The following ANKRD34A variants were observed in gnomAD, a reference collection of about 807,000 sequenced individuals.
ANKRD34A encodes the protein ankyrin repeat domain 34A.
ANKRD34A carries 7 observed loss-of-function variants against 27.1 expected under a neutral mutation model. That is an observed-to-expected ratio of 0.26 (90% confidence interval 0.15 to 0.49). The LOEUF (loss-of-function observed/expected upper bound fraction) is 0.49, where lower values mean the gene tolerates loss of function less well. ANKRD34A is among the 20% of genes least tolerant of loss of function. The probability of loss-of-function intolerance (pLI) is 0.99; values close to 1 mark genes in which losing one functional copy is unlikely to be tolerated. For missense variants in ANKRD34A, 472 were observed against 682.1 expected, an observed-to-expected ratio of 0.69 and a Z score of 3.43; for synonymous variants, 301 against 300.8, an observed-to-expected ratio of 1.00 and a Z score of -0.01.
In ANKRD34A at chr1:145,960,142, T is replaced by C. The variant is rs1553761040; in HGVS notation, c.*127A>G. On this transcript the variant is annotated 3_prime_UTR_variant, in exon 4 of 4. Coordinates refer to ENST00000606888, the MANE Select transcript of ANKRD34A (RefSeq NM_001039888.4). This position sits in a 1 kb window ranked among gnomAD's most constrained non-coding sequence, Gnocchi z 5.5. The stretch of plus-strand genomic sequence containing the variant: ...TTATGGACACATGTTTAACCATGTG[T>C]GGGTGCACTGTGCACCCATGAGCAC... 3.5e-6 allele frequency: 4 copies of C among 1,156,660 alleles called. No homozygotes were observed. Among genetic ancestry groups the C allele is most frequent in the Middle Eastern group, 2.9e-4 (1 of 3,508 alleles). 71.6% of individuals were successfully genotyped at this position (1,156,660 alleles called of 1,614,324 possible).
rs1449296820 is a variant in ANKRD34A at position 145,963,545 on chromosome 1, G to T, written c.-896-8C>A. ...GAATGAGTTTGTGTCCAGCTGGAAG[G>T]CACCAAGGGAAGTGGGAGAAAAAGA... is the stretch of plus-strand genomic sequence containing the variant. On this transcript the variant is annotated splice_region_variant and splice_polypyrimidine_tract_variant and intron_variant, in intron 1 of 3. Coordinates refer to ENST00000606888, the MANE Select transcript of ANKRD34A (RefSeq NM_001039888.4). The T allele has an allele frequency of 6.6e-6, 1 of 152,162 alleles. No homozygotes were observed. Among genetic ancestry groups the T allele is most frequent in the African/African-American group, 2.4e-5 (1 of 41,400 alleles). 9.4% of individuals were successfully genotyped at this position (152,162 alleles called of 1,614,324 possible).
Position 145,960,029 on chromosome 1 carries a change from C to T in ANKRD34A, c.*240G>A. On this transcript the variant is annotated 3_prime_UTR_variant, in exon 4 of 4. Coordinates refer to ENST00000606888, the MANE Select transcript of ANKRD34A (RefSeq NM_001039888.4). This position sits in a 1 kb window ranked among gnomAD's most constrained non-coding sequence, Gnocchi z 5.5. ...GTAGGTACACAAGTAATCCCATATG[C>T]ATGTGAAATGACCAGGGCATGAATA... is the stretch of plus-strand genomic sequence containing the variant. 1 of 437,970 alleles carries T rather than the reference C, an allele frequency of 2.3e-6. No homozygotes were observed. The highest frequency in any genetic ancestry group is 4.1e-6 in the Non-Finnish European group (1 of 245,212). 27.1% of individuals were successfully genotyped at this position (437,970 alleles called of 1,614,324 possible).
Position 145,960,495 on chromosome 1 carries a change from G to A in ANKRD34A, c.1265C>T (p.Pro422Leu). The change falls in exon 4 of 4, where the codon CCG (proline) becomes CTG (leucine). Residue 422 changes from proline to leucine, a missense_variant. Physicochemically the swap from Pro to Leu is moderately conservative, Grantham distance 98 (BLOSUM62 -3). Around this residue, in one of 4 missense-constraint regions of ANKRD34A, gnomAD observed 295 missense variants for 335.0 expected, o/e 0.88. Transcript: ENST00000606888. This position sits in a 1 kb window ranked among gnomAD's most constrained non-coding sequence, Gnocchi z 5.5. The part of the protein sequence containing the change: ...LLLDHISQTR[P>L]GFLPPLNVSP... ...GACGTTGAGAGGGGGTAGGAAACCCGGCCGCGTTTGCGAGATGTGGTCCAG... is the reference window on the plus strand; with the variant it reads ...GACGTTGAGAGGGGGTAGGAAACCCAGCCGCGTTTGCGAGATGTGGTCCAG... 1 of 1,601,636 alleles carries A rather than the reference G, an allele frequency of 6.2e-7. No homozygotes were observed. The highest frequency in any genetic ancestry group is 8.5e-7 in the Non-Finnish European group (1 of 1,174,136).
chr1:145,962,114 C>A (rs1287946661), intron 3 of ANKRD34A: 1 of 297,514 alleles, frequency 3.4e-6, no homozygotes, highest in East Asian at 9.4e-5. Context: ...TCCGCACCCC[C>A]ACCCTCACCC....
Position 145,961,779 on chromosome 1 carries a change from G to C in ANKRD34A, c.-20C>G. ...CAACATAGCTGCGGCTGGGGCGAGG[G>C]CACAGATGGAGCCGGGACTGAGACC... On this transcript the variant is annotated 5_prime_UTR_variant, in exon 4 of 4. Transcript: ENST00000606888. The surrounding 1 kb of genome is among the most constrained non-coding windows in gnomAD (Gnocchi z 9.5). 1 of 1,600,094 alleles carries C rather than the reference G, an allele frequency of 6.2e-7. No homozygotes were observed. The highest frequency in any genetic ancestry group is 2.2e-5 in the East Asian group (1 of 44,644).
chr1:145,961,760 A>C lies in ANKRD34A; in HGVS notation c.-1T>G. 2 of 1,610,428 alleles carry C rather than the reference A, an allele frequency of 1.2e-6. No homozygotes were observed. Among genetic ancestry groups the C allele is most frequent in the Non-Finnish European group, 1.7e-6 (2 of 1,179,180 alleles). On this transcript the variant is annotated 5_prime_UTR_variant, in exon 4 of 4. Transcript: ENST00000606888. The surrounding 1 kb of genome is among the most constrained non-coding windows in gnomAD (Gnocchi z 9.5). Reference sequence around the variant, plus strand: ...GAGCGTGGCCCTCGGTGTGCAACATAGCTGCGGCTGGGGCGAGGGCACAGA... The same window carrying C: ...GAGCGTGGCCCTCGGTGTGCAACATCGCTGCGGCTGGGGCGAGGGCACAGA...
At chr1:145,963,577 C>G (rs944361799) in intron 1 of ANKRD34A, 40 bp from the exon 2 acceptor site, 4 of 152,108 alleles carry the variant, frequency 2.6e-5, no homozygotes, top group African/African-American at 9.7e-5. Flanking sequence ...AAGAAAAATC[C>G]TAAGGATTTA....
Position 145,961,556 on chromosome 1 carries a change from C to T in ANKRD34A, c.204G>A (p.Ala68=), listed in dbSNP as rs1268529548. 1.3e-6 allele frequency: 2 copies of T among 1,595,058 alleles called. No homozygotes were observed. The highest frequency in any genetic ancestry group is 1.3e-5 in the African/African-American group (1 of 74,314). ...CTAATCGGTCTGCGATATTGGGGTC[C>T]GCGCCTTGCTCCAGGAGGTAGCGTA... is the stretch of plus-strand genomic sequence containing the variant. The part of the protein sequence containing the change: ...RMVRYLLEQG[A]DPNIADRLGR... The change falls in exon 4 of 4, where the codon GCG becomes GCA. Residue 68 remains alanine (A), a synonymous_variant. Transcript: ENST00000606888. This position sits in a 1 kb window ranked among gnomAD's most constrained non-coding sequence, Gnocchi z 9.5.
In ANKRD34A at chr1:145,964,565, G is replaced by C. The variant is rs1649926971; in HGVS notation, c.-1278C>G. 1 of 152,206 alleles carries C rather than the reference G, an allele frequency of 6.6e-6. No homozygotes were observed. The highest frequency in any genetic ancestry group is 2.1e-4 in the South Asian group (1 of 4,820). 9.4% of individuals were successfully genotyped at this position (152,206 alleles called of 1,614,324 possible). On this transcript the variant is annotated 5_prime_UTR_variant, in exon 1 of 4. Transcript: ENST00000606888. ...TCTGCGACCCGCTTCGCAAGCTTCGGTTCCGGGCGTACTCGCTCCCTCCCT... is the reference window on the plus strand; with the variant it reads ...TCTGCGACCCGCTTCGCAAGCTTCGCTTCCGGGCGTACTCGCTCCCTCCCT...
At position 145,960,191 on chromosome 1, in the gene ANKRD34A, GGT is replaced by G. The variant is rs1486469816; in HGVS notation, c.*76_*77del. On this transcript the variant is annotated 3_prime_UTR_variant, in exon 4 of 4. Coordinates refer to ENST00000606888, the MANE Select transcript of ANKRD34A (RefSeq NM_001039888.4). The surrounding 1 kb of genome is among the most constrained non-coding windows in gnomAD (Gnocchi z 5.5). The stretch of plus-strand genomic sequence containing the variant: ...ACATGCAAGAGATCCCTTTGTTCGT[GGT>G]GTGTGTGTGAGCTGGTTCTCCCACC... The G allele has an allele frequency of 3.5e-5, 50 of 1,419,210 alleles. No homozygotes were observed. The highest frequency in any genetic ancestry group is 3.1e-5 in the South Asian group (2 of 65,374). The allele number at this position is 1,419,210 out of a possible 1,614,324, so 87.9% of individuals were successfully genotyped here.
In ANKRD34A at chr1:145,960,785, G is replaced by C. The variant is rs1553761223; in HGVS notation, c.975C>G (p.Pro325=). The C allele has an allele frequency of 3.1e-6, 5 of 1,614,254 alleles. No homozygotes were observed. Among genetic ancestry groups the C allele is most frequent in the Non-Finnish European group, 4.2e-6 (5 of 1,180,048 alleles). The part of the protein sequence containing the change: ...NTAPEAQESG[P]PSGLRQKLSR... The stretch of plus-strand genomic sequence containing the variant: ...TCAGTTTCTGCCTCAGCCCTGAAGG[G>C]GGACCAGACTCCTGAGCTTCTGGTG... Residue 325 remains proline, a synonymous_variant, in exon 4 of 4, where the codon CCC becomes CCG. Coordinates refer to ENST00000606888, the MANE Select transcript of ANKRD34A (RefSeq NM_001039888.4). The surrounding 1 kb of genome is among the most constrained non-coding windows in gnomAD (Gnocchi z 5.5).
chr1:145,960,188 C>G lies in ANKRD34A; in HGVS notation c.*81G>C. The G allele has an allele frequency of 7.1e-7, 1 of 1,417,260 alleles. No individual in the cohort carries two copies. The highest frequency in any genetic ancestry group is 9.3e-7 in the Non-Finnish European group (1 of 1,074,484). 87.8% of individuals were successfully genotyped at this position (1,417,260 alleles called of 1,614,324 possible). ...AGCACATGCAAGAGATCCCTTTGTTCGTGGTGTGTGTGTGAGCTGGTTCTC... is the reference window on the plus strand; with the variant it reads ...AGCACATGCAAGAGATCCCTTTGTTGGTGGTGTGTGTGTGAGCTGGTTCTC... On this transcript the variant is annotated 3_prime_UTR_variant, in exon 4 of 4. Transcript: ENST00000606888. The surrounding 1 kb of genome is among the most constrained non-coding windows in gnomAD (Gnocchi z 5.5).
chr1:145,961,565 C>T lies in ANKRD34A; in HGVS notation c.195G>A (p.Glu65=), dbSNP rs782599581. 6.2e-6 allele frequency: 10 copies of T among 1,600,718 alleles called. No individual in the cohort carries two copies. In the African/African-American group the frequency reaches 1.3e-4, roughly 21 times the overall value. ...NKARMVRYLL[E]QGADPNIADR... Reference sequence around the variant, plus strand: ...CTGCGATATTGGGGTCCGCGCCTTGCTCCAGGAGGTAGCGTACCATGCGTG... The same window carrying T: ...CTGCGATATTGGGGTCCGCGCCTTGTTCCAGGAGGTAGCGTACCATGCGTG... The change falls in exon 4 of 4, where the codon GAG becomes GAA. Residue 65 remains glutamate, a synonymous_variant. Coordinates refer to ENST00000606888, the MANE Select transcript of ANKRD34A (RefSeq NM_001039888.4). This position sits in a 1 kb window ranked among gnomAD's most constrained non-coding sequence, Gnocchi z 9.5.
At position 145,960,621 on chromosome 1, in the gene ANKRD34A, G is replaced by C; in HGVS notation, c.1139C>G (p.Pro380Arg). The C allele has an allele frequency of 1.9e-6, 3 of 1,584,172 alleles. No homozygotes were observed. The highest frequency in any genetic ancestry group is 2.6e-6 in the Non-Finnish European group (3 of 1,163,032). Residue 380 changes from proline to arginine, a missense_variant, in exon 4 of 4, where the codon CCG becomes CGG. By Grantham distance (103) the Pro-to-Arg change is moderately radical (BLOSUM62 -2). Around this residue, in one of 4 missense-constraint regions of ANKRD34A, gnomAD observed 295 missense variants for 335.0 expected, o/e 0.88. Transcript: ENST00000606888. The surrounding 1 kb of genome is among the most constrained non-coding windows in gnomAD (Gnocchi z 5.5). ...TGGCAGACTCTCCTGGGACTGGCGCGGAGAGGGAGCCGAGCCGGCTGGAGG... is the reference window on the plus strand; with the variant it reads ...TGGCAGACTCTCCTGGGACTGGCGCCGAGAGGGAGCCGAGCCGGCTGGAGG... ...TLPPAGSAPS[P>R]RQSQESLPGA...
In ANKRD34A at chr1:145,959,833, C is replaced by A; in HGVS notation, c.*436G>T. The A allele has an allele frequency of 5.4e-6, 1 of 184,654 alleles. No homozygotes were observed. Among genetic ancestry groups the A allele is most frequent in the Non-Finnish European group, 1.3e-5 (1 of 79,238 alleles). 11.4% of individuals were successfully genotyped at this position (184,654 alleles called of 1,614,324 possible). A position where few individuals can be genotyped will look rare whatever the true frequency, so the allele number is the denominator to read the frequency against. On this transcript the variant is annotated 3_prime_UTR_variant, in exon 4 of 4. Transcript: ENST00000606888. ...CTGGGATGTCCACGGAGAGAGTGTG[C>A]AAAATCATGATAGGCTGTGTTTCAG...
Position 145,960,207 on chromosome 1 carries a change from G to C in ANKRD34A, c.*62C>G. 6.9e-7 allele frequency: 1 copy of C among 1,444,274 alleles called. No homozygotes were observed. Among genetic ancestry groups the C allele is most frequent in the East Asian group, 2.5e-5 (1 of 39,696 alleles). The allele number at this position is 1,444,274 out of a possible 1,614,324, so 89.5% of individuals were successfully genotyped here. A position where few individuals can be genotyped will look rare whatever the true frequency, so the allele number is the denominator to read the frequency against. On this transcript the variant is annotated 3_prime_UTR_variant, in exon 4 of 4. Transcript: ENST00000606888. The surrounding 1 kb of genome is among the most constrained non-coding windows in gnomAD (Gnocchi z 5.5). ...TTTGTTCGTGGTGTGTGTGTGAGCT[G>C]GTTCTCCCACCTATCCCATTAAGGT...
Position 145,960,626 on chromosome 1 carries a change from G to A in ANKRD34A, c.1134C>T (p.Pro378=). The A allele has an allele frequency of 6.3e-7, 1 of 1,584,898 alleles. No homozygotes were observed. Among genetic ancestry groups the A allele is most frequent in the Non-Finnish European group, 8.6e-7 (1 of 1,163,452 alleles). Reference sequence around the variant, plus strand: ...GACTCTCCTGGGACTGGCGCGGAGAGGGAGCCGAGCCGGCTGGAGGGAGGG... The same window carrying A: ...GACTCTCCTGGGACTGGCGCGGAGAAGGAGCCGAGCCGGCTGGAGGGAGGG... ...PLTLPPAGSA[P]SPRQSQESLP... The change falls in exon 4 of 4, where the codon CCC becomes CCT. Residue 378 remains proline, a synonymous_variant. Transcript: ENST00000606888. The surrounding 1 kb of genome is among the most constrained non-coding windows in gnomAD (Gnocchi z 5.5).
In ANKRD34A at chr1:145,960,183, T is replaced by G; in HGVS notation, c.*86A>C. 1.4e-6 allele frequency: 2 copies of G among 1,407,162 alleles called. No homozygotes were observed. The highest frequency in any genetic ancestry group is 9.4e-7 in the Non-Finnish European group (1 of 1,067,188). 87.2% of individuals were successfully genotyped at this position (1,407,162 alleles called of 1,614,324 possible). On this transcript the variant is annotated 3_prime_UTR_variant, in exon 4 of 4. Transcript: ENST00000606888. This position sits in a 1 kb window ranked among gnomAD's most constrained non-coding sequence, Gnocchi z 5.5. ...CCATGAGCACATGCAAGAGATCCCT[T>G]TGTTCGTGGTGTGTGTGTGAGCTGG...
At position 145,960,162 on chromosome 1, in the gene ANKRD34A, G is replaced by A; in HGVS notation, c.*107C>T. On this transcript the variant is annotated 3_prime_UTR_variant, in exon 4 of 4. Transcript: ENST00000606888. The surrounding 1 kb of genome is among the most constrained non-coding windows in gnomAD (Gnocchi z 5.5). ...ATGTGTGGGTGCACTGTGCACCCAT[G>A]AGCACATGCAAGAGATCCCTTTGTT... 1 of 1,347,498 alleles carries A rather than the reference G, an allele frequency of 7.4e-7. No individual in the cohort carries two copies. The highest frequency in any genetic ancestry group is 9.9e-7 in the Non-Finnish European group (1 of 1,015,016). 83.5% of individuals were successfully genotyped at this position (1,347,498 alleles called of 1,614,324 possible).
Sources: allele counts gnomAD v4.1 joint callset, GRCh38; gene constraint gnomAD v4.1.1; regional missense constraint gnomAD v4.1.1; non-coding constraint Gnocchi (gnomAD v3.1); transcripts MANE v1.5; gene names NCBI Gene and HGNC (gene_info 2026-07-23, HGNC 2026-07-21).